TOP2A: variants seen among roughly 807,000 people sequenced by gnomAD.
TOP2A encodes the protein DNA topoisomerase II alpha, also known as DNA topoisomerase 2-alpha.
TOP2A carries 68 observed loss-of-function variants against 187.2 expected under a neutral mutation model. The ratio of observed to expected loss-of-function variants is 0.36; its 90% CI spans 0.30 to 0.44. TOP2A has a LOEUF of 0.44. TOP2A is among the 20% of genes least tolerant of loss of function. The pLI, the probability that TOP2A is intolerant of heterozygous loss-of-function variation, is 1.00. For synonymous variants in TOP2A, 542 were observed against 593.2 expected, an observed-to-expected ratio of 0.91 and a Z score of 1.25; for missense variants, 1,196 against 1,808.7, an observed-to-expected ratio of 0.66 and a Z score of 6.14.
intron 27 of TOP2A, 79 bp from the exon 28 acceptor site, chr17:40,396,544 A>G (rs2035103008): frequency 6.6e-7 from 1 of 1,524,252 alleles, no homozygotes; most frequent in Non-Finnish European, 8.8e-7. Flanking sequence ...AGTTAAACTG[A>G]TTTCATTTTG....
chr17:40,408,730 C>A, intron 10 of TOP2A, 100 bp from the exon 11 acceptor site: 2 of 1,297,072 alleles, frequency 1.5e-6, no homozygotes, highest in South Asian at 2.4e-5. Context: ...AAAAATGATT[C>A]AAAAATTAAA....
At chr17:40,415,945 A>C in intron 4 of TOP2A, 60 bp downstream of exon 4, 1 of 1,203,558 alleles carries the variant, frequency 8.3e-7, no homozygotes, top group Non-Finnish European at 1.2e-6. Context: ...CCAGTAATCA[A>C]AATACATGCA....
chr17:40,402,978 A>G lies in TOP2A; in HGVS notation c.2360T>C (p.Ile787Thr), dbSNP rs1268721916. ...GSNNLNLLQP[I>T]GQFGTRLHGG... ...ATGTAGCCTGGTACCAAACTGACCAATGGGCTGCAAGAGGTTTAGATTATT... is the reference window on the plus strand; with the variant it reads ...ATGTAGCCTGGTACCAAACTGACCAGTGGGCTGCAAGAGGTTTAGATTATT... The change falls in exon 20 of 35, where the codon ATT becomes ACT. Residue 787 changes from isoleucine (I) to threonine (T), a missense_variant. Physicochemically the swap from Ile to Thr is moderately conservative, Grantham distance 89. Around this residue, in one of 10 missense-constraint regions of TOP2A, gnomAD observed 209 missense variants for 376.9 expected, o/e 0.55. Transcript: ENST00000423485. 2 of 1,606,776 alleles carry G rather than the reference A, an allele frequency of 1.2e-6. No homozygotes were observed. Among genetic ancestry groups the G allele is most frequent in the African/African-American group, 2.7e-5 (2 of 74,880 alleles).
intron 25 of TOP2A, 41 bp downstream of exon 25, chr17:40,398,999 C>G (rs765600211): frequency 2.6e-5 from 41 of 1,595,914 alleles, no homozygotes; most frequent in Non-Finnish European, 3.3e-5. Flanking sequence ...TTGTACAATA[C>G]ATAGTCTTTA....
rs13695 is a variant in TOP2A, at chr17:40,388,941, C to T, written c.*578G>A. 0.18 allele frequency: 38,451 copies of T among 207,890 alleles called. 4,636 individuals are homozygous for T. Among genetic ancestry groups the T allele is most frequent in the Non-Finnish European group, 0.26 (26,566 of 101,654 alleles). 12.9% of individuals were successfully genotyped at this position (207,890 alleles called of 1,614,324 possible). ...TAGACACAGCCAAAGTGTTTTTCTT[C>T]GGCCTCTGATGATTTGAGAAGATGA... On this transcript the variant is annotated 3_prime_UTR_variant, in exon 35 of 35. Coordinates refer to ENST00000423485, the MANE Select transcript of TOP2A (RefSeq NM_001067.4).
At chr17:40,393,475 G>A (rs2035051415) in intron 29 of TOP2A, among the ~76,000 whole-genome samples, 1 of 152,164 alleles carries the variant, frequency 6.6e-6, no homozygotes, top group African/African-American at 2.4e-5. Flanking sequence ...TTCAAGACCA[G>A]CCTGGGCAAG....
At position 40,411,521 on chromosome 17, in the gene TOP2A, A is replaced by T; in HGVS notation, c.964-66T>A. On this transcript the variant is annotated intron_variant, in intron 8 of 34. Coordinates refer to ENST00000423485, the MANE Select transcript of TOP2A (RefSeq NM_001067.4). The surrounding 1 kb of genome is among the most constrained non-coding windows in gnomAD (Gnocchi z 4.4). Reference sequence around the variant, plus strand: ...CAAAATTATAATAATCAAACATTAAAAACTAATTTAACCTCCTTTATACTA... The same window carrying T: ...CAAAATTATAATAATCAAACATTAATAACTAATTTAACCTCCTTTATACTA... The T allele has an allele frequency of 6.3e-7, 1 of 1,576,274 alleles. No homozygotes were observed. The highest frequency in any genetic ancestry group is 8.7e-7 in the Non-Finnish European group (1 of 1,146,118).
intron 28 of TOP2A, among the ~76,000 whole-genome samples, chr17:40,396,025 G>T (rs1301578896): frequency 6.7e-6 from 1 of 150,280 alleles, no homozygotes; most frequent in Non-Finnish European, 1.5e-5. Flanking sequence ...TGTTGGCCAG[G>T]CTGGAGTGCA....
At chr17:40,389,711 A>C in intron 34 of TOP2A, 64 bp from the exon 35 acceptor site, 1 of 1,547,336 alleles carries the variant, frequency 6.5e-7, no homozygotes, top group Admixed American at 2.1e-5. Flanking sequence ...GTAATGTAAA[A>C]AAATGTATCA....
intron 23 of TOP2A, 23 bp from the exon 24 acceptor site, chr17:40,400,090 G>A (rs758389940): frequency 3.1e-6 from 5 of 1,599,784 alleles, no homozygotes. Flanking sequence ...AACAAGATTA[G>A]AGCCAAGAAT....
rs773941131 is a variant in TOP2A at position 40,396,425 on chromosome 17, A to T, written c.3578T>A (p.Leu1193His). Reference sequence around the variant, plus strand: ...CTTGGCCTTCCCCCCTTTCCCAGGAAGTCCGACTTGTTCATCTTGTTTTTC... The same window carrying T: ...CTTGGCCTTCCCCCCTTTCCCAGGATGTCCGACTTGTTCATCTTGTTTTTC... ...AKEKQDEQVG[L>H]PGKGGKAKGK... Residue 1193 changes from leucine (L) to histidine (H), a missense_variant, in exon 28 of 35, where the codon CTT becomes CAT. Physicochemically the swap from Leu to His is moderately conservative, Grantham distance 99 (BLOSUM62 -3). Transcript: ENST00000423485. The T allele has an allele frequency of 1.9e-6, 3 of 1,613,810 alleles. No homozygotes were observed. Among genetic ancestry groups the T allele is most frequent in the Admixed American group, 1.7e-5 (1 of 59,978 alleles).
chr17:40,410,086 TA>T (rs773020509), intron 10 of TOP2A: 46 of 154,340 alleles, frequency 3.0e-4, no homozygotes, highest in Non-Finnish European at 3.5e-4. Flanking sequence ...AGACTCTGCC[TA>T]AAAAAAAAGA....
chr17:40,417,624 T>C, intron 1 of TOP2A, 147 bp downstream of exon 1: 3 of 1,502,838 alleles, frequency 2.0e-6, no homozygotes, highest in Non-Finnish European at 2.7e-6. Context: ...CTCTCCACGA[T>C]CACCCCGGAA....
In TOP2A at chr17:40,413,474, C is replaced by A; in HGVS notation, c.478+6G>T. On this transcript the variant is annotated splice_donor_region_variant and intron_variant, in intron 5 of 34. Transcript: ENST00000423485. Reference sequence around the variant, plus strand: ...ACAAATATGTTATTTCCCCTCAATACTCTACCTGTCACTTTCTTTTCATCA... The same window carrying A: ...ACAAATATGTTATTTCCCCTCAATAATCTACCTGTCACTTTCTTTTCATCA... 2.0e-6 allele frequency: 3 copies of A among 1,524,242 alleles called. No individual in the cohort carries two copies. The highest frequency in any genetic ancestry group is 2.6e-6 in the Non-Finnish European group (3 of 1,136,664). The allele number at this position is 1,524,242 out of a possible 1,614,324, so 94.4% of individuals were successfully genotyped here. A position where few individuals can be genotyped will look rare whatever the true frequency, so the allele number is the denominator to read the frequency against.
rs1490438473 is a variant in TOP2A at position 40,416,464 on chromosome 17, T to C, written c.226A>G (p.Thr76Ala). The C allele has an allele frequency of 2.7e-5, 44 of 1,604,612 alleles. No individual in the cohort carries two copies. Among genetic ancestry groups the C allele is most frequent in the Non-Finnish European group, 3.7e-5 (44 of 1,174,734 alleles). The change falls in exon 3 of 35, where the codon ACT becomes GCT. Residue 76 changes from threonine (T) to alanine (A), a missense_variant. Thr to Ala is a moderately conservative substitution (Grantham distance 58). Around this residue, in one of 10 missense-constraint regions of TOP2A, gnomAD observed 97 missense variants for 171.0 expected, o/e 0.57. Transcript: ENST00000423485. ...ATTTTGTACAAACCAGGAACAAAAG[T>C]GACTTCCCTATAGTTAATGCCAACA... ...EDVGINYREV[T>A]FVPGLYKIFD...
intron 20 of TOP2A, among the ~76,000 whole-genome samples, chr17:40,401,355 A>G (rs1158856589): frequency 6.6e-6 from 1 of 152,184 alleles, no homozygotes; most frequent in Non-Finnish European, 1.5e-5. Flanking sequence ...TGGGAAAGTG[A>G]CTGAAGAGGT....
At chr17:40,404,306 C>A in intron 18 of TOP2A, 33 bp from the exon 19 acceptor site, 2 of 1,609,388 alleles carry the variant, frequency 1.2e-6, no homozygotes, top group Non-Finnish European at 1.7e-6. Flanking sequence ...ACGTAAGTAT[C>A]CTCAATTTAA....
chr17:40,391,477 A>G (rs1256619568), intron 33 of TOP2A, 29 bp downstream of exon 33: 6 of 1,597,846 alleles, frequency 3.8e-6, no homozygotes, highest in South Asian at 1.1e-5. Context: ...TAATTGCAAC[A>G]TTAACCCATC....
chr17:40,413,517 A>G lies in TOP2A; in HGVS notation c.441T>C (p.Thr147=), dbSNP rs1489962625. 20 of 1,541,508 alleles carry G rather than the reference A, an allele frequency of 1.3e-5. No homozygotes were observed. Among genetic ancestry groups the G allele is most frequent in the Non-Finnish European group, 1.7e-5 (19 of 1,143,370 alleles). ...TTTCATCATCATCATAGTTACTAGA[A>G]GTTAGGAGCTGTCCAAATATGAGAG... ...VPALIFGQLL[T]SSNYDDDEKK... The change falls in exon 5 of 35, where the codon ACT becomes ACC. Residue 147 remains threonine (T), a synonymous_variant. Coordinates refer to ENST00000423485, the MANE Select transcript of TOP2A (RefSeq NM_001067.4).
Sources: allele counts gnomAD v4.1 joint callset (sites outside exome capture counted in the v4.1 genomes callset), GRCh38; gene constraint gnomAD v4.1.1; regional missense constraint gnomAD v4.1.1; non-coding constraint Gnocchi (gnomAD v3.1); transcripts MANE v1.5; gene names NCBI Gene and HGNC (gene_info 2026-07-23, HGNC 2026-07-21).